Variants in EEFSEC observed in about 807,000 individuals in gnomAD.
EEFSEC encodes eukaryotic elongation factor, selenocysteine-tRNA specific, also known as selenocysteine-specific elongation factor.
In EEFSEC, 43 loss-of-function variants were observed where a neutral mutation model predicts 42.1. The observed-to-expected ratio is 1.02, with a 90% confidence interval of 0.80 to 1.32. The LOEUF is 1.32. Among genes scored for constraint, EEFSEC ranks in the 40% most tolerant of loss-of-function variants. EEFSEC has a pLI of 0.00. For synonymous variants in EEFSEC, 354 were observed against 339.1 expected (o/e 1.04, Z -0.48); for missense variants, 745 against 803.6 (o/e 0.93, Z 0.88).
intron 4 of EEFSEC, among the ~76,000 whole-genome samples, chr3:128,331,147 C>T (rs1576643767): frequency 2.5e-5 from 1 of 40,550 alleles, no homozygotes. Context: ...CCCTCTTCCC[C>T]CCTTCCTCAG....
At chr3:128,352,157 G>A (rs2067395432) in intron 5 of EEFSEC, among the ~76,000 whole-genome samples, 1 of 152,176 alleles carries the variant, frequency 6.6e-6, no homozygotes, top group Non-Finnish European at 1.5e-5. Context: ...ACAGAGCAAA[G>A]CCATGTTCCC....
chr3:128,383,540 C>T (rs777926298), intron 6 of EEFSEC, among the ~76,000 whole-genome samples: 3 of 152,222 alleles, frequency 2.0e-5, no homozygotes, highest in Non-Finnish European at 4.4e-5. Flanking sequence ...CGCAGCTGAT[C>T]TGCGCCTGGA....
At chr3:128,405,218 G>A (rs573810402) in intron 6 of EEFSEC, among the ~76,000 whole-genome samples, 15 of 152,154 alleles carry the variant, frequency 9.9e-5, no homozygotes, top group Admixed American at 2.0e-4. Flanking sequence ...GGGTTTCACC[G>A]TGTTAGCCAG....
At chr3:128,285,510 C>G (rs1413023576) in intron 4 of EEFSEC, among the ~76,000 whole-genome samples, 2 of 152,062 alleles carry the variant, frequency 1.3e-5, no homozygotes, top group Non-Finnish European at 2.9e-5. Context: ...TGAGGAGGGC[C>G]AGGGCTGGAG....
Position 128,306,895 on chromosome 3 carries a change from C to T in EEFSEC, c.787-34338C>T, listed in dbSNP as rs371828356. ...CTTTCTAAATTCTAAAATCTTTCTA[C>T]TTAGCCCATACGGCAGCATCGCACC... On this transcript the variant is annotated intron_variant, in intron 4 of 6. Transcript: ENST00000254730. 1.1e-4 allele frequency among the ~76,000 whole-genome samples: 17 copies of T among 152,400 alleles called. No individual in the cohort carries two copies. In the South Asian group the frequency reaches 2.9e-3, roughly 26 times the overall value.
chr3:128,365,220 T>A (rs964997237), intron 6 of EEFSEC, among the ~76,000 whole-genome samples: 1 of 152,120 alleles, frequency 6.6e-6, no homozygotes, highest in Non-Finnish European at 1.5e-5. Flanking sequence ...AAGGCCTGGG[T>A]GGGGAGGGGG....
chr3:128,173,110 G>A (rs1013189595), intron 1 of EEFSEC, among the ~76,000 whole-genome samples: 1 of 152,178 alleles, frequency 6.6e-6, no homozygotes, highest in Admixed American at 6.5e-5. Flanking sequence ...TTGCTTCCCC[G>A]TGAAGCTCCT....
At chr3:128,222,024 A>AT in intron 1 of EEFSEC, among the ~76,000 whole-genome samples, 1 of 116,610 alleles carries the variant, frequency 8.6e-6, no homozygotes, top group African/African-American at 3.7e-5. Context: ...GTTTTTTCAA[A>AT]GTTTTTTTTT....
rs148849847 is a variant in EEFSEC at position 128,225,000 on chromosome 3, GC to G, written c.317-21833del. ...TATATTTTATGTACTACACCTGGCT[GC>G]CCAGGCATGGTTACCCCGAGTAGGG... On this transcript the variant is annotated intron_variant, in intron 1 of 6. Coordinates refer to ENST00000254730, the MANE Select transcript of EEFSEC (RefSeq NM_021937.5). Among the ~76,000 whole-genome samples the G allele has an allele frequency of 7.9e-3, 1,210 of 152,352 alleles. 21 individuals carry two copies. Among genetic ancestry groups the G allele is most frequent in the Admixed American group, 0.038 (580 of 15,308 alleles).
At chr3:128,374,952 T>C (rs918546186) in intron 6 of EEFSEC, among the ~76,000 whole-genome samples, 13 of 152,260 alleles carry the variant, frequency 8.5e-5, no homozygotes, top group Non-Finnish European at 1.6e-4. Flanking sequence ...TGCCTCTGAC[T>C]GTTCTCATTT....
chr3:128,366,149 C>G (rs1352962114), intron 6 of EEFSEC, among the ~76,000 whole-genome samples: 1 of 152,206 alleles, frequency 6.6e-6, no homozygotes, highest in Non-Finnish European at 1.5e-5. Flanking sequence ...TGGGGACACA[C>G]CCCTTCAGTG....
At chr3:128,162,767 G>T (rs2065203301) in intron 1 of EEFSEC, among the ~76,000 whole-genome samples, 1 of 152,180 alleles carries the variant, frequency 6.6e-6, no homozygotes, top group Non-Finnish European at 1.5e-5. Context: ...TATTTTTGTA[G>T]TCGTGCTAGG....
At chr3:128,206,385 G>A (rs898130403) in intron 1 of EEFSEC, among the ~76,000 whole-genome samples, 6 of 152,124 alleles carry the variant, frequency 3.9e-5, no homozygotes, top group East Asian at 1.9e-4. Context: ...TTTATCAGGC[G>A]CGTTTTGAAC....
intron 1 of EEFSEC, among the ~76,000 whole-genome samples, chr3:128,241,366 T>C (rs2999074): frequency 0.84 from 127,537 of 152,052 alleles, 53,965 homozygotes; most frequent in East Asian, 0.99. Flanking sequence ...TGCACCACTA[T>C]GCCTAGCTAA....
At chr3:128,195,340 A>G (rs2065573295) in intron 1 of EEFSEC, among the ~76,000 whole-genome samples, 1 of 152,224 alleles carries the variant, frequency 6.6e-6, no homozygotes, top group Admixed American at 6.5e-5. Flanking sequence ...GTAGCTCTCA[A>G]TGTGGGTGAT....
At chr3:128,220,070 C>A (rs561334374) in intron 1 of EEFSEC, among the ~76,000 whole-genome samples, 1 of 152,158 alleles carries the variant, frequency 6.6e-6, no homozygotes, top group Non-Finnish European at 1.5e-5. Context: ...CATGTGGTAG[C>A]ACTACAAATC....
intron 1 of EEFSEC, among the ~76,000 whole-genome samples, chr3:128,156,690 A>G (rs1310234489): frequency 1.3e-5 from 2 of 152,218 alleles, no homozygotes; most frequent in Admixed American, 6.5e-5. Context: ...CTTTGATGTT[A>G]CTATTGTAAT....
chr3:128,202,377 G>A (rs1375945704), intron 1 of EEFSEC, among the ~76,000 whole-genome samples: 1 of 152,084 alleles, frequency 6.6e-6, no homozygotes, highest in Non-Finnish European at 1.5e-5. Flanking sequence ...TAGAGGTCTT[G>A]TACATATGTT....
At chr3:128,243,543 T>C (rs1056255407) in intron 1 of EEFSEC, among the ~76,000 whole-genome samples, 8 of 152,128 alleles carry the variant, frequency 5.3e-5, no homozygotes, top group African/African-American at 1.9e-4. Flanking sequence ...CCAGCAACGA[T>C]GTATTAAGCT....
Sources: gnomAD v4.1 joint callset for allele counts (sites outside exome capture counted in the v4.1 genomes callset) on GRCh38, gnomAD v4.1.1 for gene constraint, MANE v1.5 for transcripts, NCBI Gene and HGNC (gene_info 2026-07-23, HGNC 2026-07-21) for gene names.